Variants in SGCZ observed in about 807,000 individuals in gnomAD.
The protein encoded by SGCZ is zeta-sarcoglycan.
In SGCZ, 40 loss-of-function variants were observed where a neutral mutation model predicts 41.3. That is an observed-to-expected ratio of 0.97 (90% confidence interval 0.75 to 1.26). SGCZ has a LOEUF of 1.26. Ranked by LOEUF, SGCZ falls within the 50% of genes most tolerant of loss-of-function variation. SGCZ has a pLI of 0.00. For synonymous variants in SGCZ, 206 were observed against 137.5 expected, an observed-to-expected ratio of 1.50 and a Z score of -3.49; for missense variants, 552 against 369.8, an observed-to-expected ratio of 1.49 and a Z score of -4.04.
At chr8:14,593,433 A>G (rs1805303725) in intron 1 of SGCZ, among the ~76,000 whole-genome samples, 1 of 152,154 alleles carries the variant, frequency 6.6e-6, no homozygotes, top group Non-Finnish European at 1.5e-5. Context: ...CAGAACGGTA[A>G]CAGAATAGAT....
At chr8:14,991,596 C>T (rs532765503) in intron 1 of SGCZ, among the ~76,000 whole-genome samples, 17 of 152,104 alleles carry the variant, frequency 1.1e-4, no homozygotes, top group South Asian at 4.1e-4. Context: ...AGCAAACTCA[C>T]AAGTTTCTAC....
At position 14,786,416 on chromosome 8, in the gene SGCZ, ATT is replaced by A. The variant is rs1385362950; in HGVS notation, c.40-231492_40-231491del. Among the ~76,000 whole-genome samples the A allele has an allele frequency of 1.1e-4, 17 of 152,268 alleles. No homozygotes were observed. The East Asian group carries it at 3.3e-3, about 29-fold the overall frequency. On this transcript the variant is annotated intron_variant, in intron 1 of 7. Coordinates refer to ENST00000382080, the MANE Select transcript of SGCZ (RefSeq NM_139167.4). ...AAAGATTTATTTATGAAATGAAAGG[ATT>A]ATGAAATTTCCATGAAACTTGGAAA...
intron 1 of SGCZ, among the ~76,000 whole-genome samples, chr8:14,847,686 GGAGGAGGGGAGGA>G (rs1803180143): frequency 7.5e-6 from 1 of 134,118 alleles, no homozygotes. Context: ...ATGGAGGGAG[GGAGGAGGGGAGGA>G]GAGGAGGGAG....
intron 2 of SGCZ, among the ~76,000 whole-genome samples, chr8:14,545,894 G>A (rs1563400394): frequency 6.6e-6 from 1 of 152,034 alleles, no homozygotes; most frequent in African/African-American, 2.4e-5. Context: ...ATGATTTTGT[G>A]ATTTATCTTA....
chr8:15,193,126 G>A (rs532359306), intron 1 of SGCZ, among the ~76,000 whole-genome samples: 13 of 152,076 alleles, frequency 8.5e-5, no homozygotes, highest in African/African-American at 2.2e-4. Context: ...ACACATGACC[G>A]GAAAGGCTAA....
chr8:14,959,192 AG>A lies in SGCZ; in HGVS notation c.39+278392del, dbSNP rs1485033063. On this transcript the variant is annotated intron_variant, in intron 1 of 7. Transcript: ENST00000382080. Reference sequence around the variant, plus strand: ...ACGTTTCAGAGGTCTGACAGATATCAGAAGTTATTCACATGAAGCTCTATGA... The same window carrying A: ...ACGTTTCAGAGGTCTGACAGATATCAAAGTTATTCACATGAAGCTCTATGA... Among the ~76,000 whole-genome samples the A allele has an allele frequency of 3.2e-4, 49 of 152,278 alleles. 1 individual carries two copies. Among genetic ancestry groups the A allele is most frequent in the African/African-American group, 1.1e-3 (47 of 41,582 alleles).
At chr8:15,219,541 C>T (rs929375022) in intron 1 of SGCZ, among the ~76,000 whole-genome samples, 2 of 152,118 alleles carry the variant, frequency 1.3e-5, no homozygotes, top group African/African-American at 4.8e-5. Flanking sequence ...AATTTCATCC[C>T]AGACTATGAT....
chr8:14,453,163 C>T (rs925862171), intron 2 of SGCZ, among the ~76,000 whole-genome samples: 1 of 151,966 alleles, frequency 6.6e-6, no homozygotes, highest in African/African-American at 2.4e-5. Context: ...TTATATACAT[C>T]CTGGACATGT....
chr8:14,680,548 A>G (rs375900969), intron 1 of SGCZ, among the ~76,000 whole-genome samples: 10 of 150,058 alleles, frequency 6.7e-5, no homozygotes, highest in African/African-American at 2.2e-4. Flanking sequence ...ACTCATATAA[A>G]CGGAGCAAGA....
At chr8:14,108,018 C>G (rs909667197) in intron 6 of SGCZ, 145 bp downstream of exon 6, 1 of 688,274 alleles carries the variant, frequency 1.5e-6, no homozygotes, top group African/African-American at 1.8e-5. Flanking sequence ...TTTCCACATT[C>G]TTCCTATCTA....
intron 4 of SGCZ, among the ~76,000 whole-genome samples, chr8:14,217,295 C>CAAAAAA (rs34197711): frequency 3.6e-5 from 2 of 55,950 alleles, no homozygotes; most frequent in Admixed American, 2.7e-4. Context: ...GACTCCATCT[C>CAAAAAA]AAAAAAAAAA....
chr8:14,958,934 T>G (rs930587632), intron 1 of SGCZ, among the ~76,000 whole-genome samples: 3 of 152,116 alleles, frequency 2.0e-5, no homozygotes, highest in African/African-American at 7.2e-5. Flanking sequence ...AGACAGATTC[T>G]CTAAAACTCT....
chr8:15,186,338 A>C (rs1800344692), intron 1 of SGCZ, among the ~76,000 whole-genome samples: 1 of 151,208 alleles, frequency 6.6e-6, no homozygotes, highest in Non-Finnish European at 1.5e-5. Context: ...AAAGAGAAAT[A>C]GTCTCCAAAT....
chr8:14,406,716 C>T (rs1000403110), intron 2 of SGCZ, among the ~76,000 whole-genome samples: 84 of 127,814 alleles, frequency 6.6e-4, no homozygotes, highest in African/African-American at 2.9e-3. Flanking sequence ...CTGCCCCTTT[C>T]TACGCAACAA....
rs566975207 is a variant in SGCZ at position 14,445,081 on chromosome 8, C to G, written c.234+109651G>C. Among the ~76,000 whole-genome samples the G allele has an allele frequency of 6.4e-4, 97 of 152,284 alleles. 1 individual carries two copies. Among genetic ancestry groups the G allele is most frequent in the African/African-American group, 2.3e-3 (95 of 41,562 alleles). On this transcript the variant is annotated intron_variant, in intron 2 of 7. Transcript: ENST00000382080. Reference sequence around the variant, plus strand: ...ATTAAGCTTGACTTCAAGACAGTTGCTCAGTGGTGATGCTTTCAGAGAAAT... The same window carrying G: ...ATTAAGCTTGACTTCAAGACAGTTGGTCAGTGGTGATGCTTTCAGAGAAAT...
chr8:14,386,817 A>C (rs1340392583), intron 2 of SGCZ, among the ~76,000 whole-genome samples: 2 of 152,334 alleles, frequency 1.3e-5, no homozygotes, highest in African/African-American at 4.8e-5. Flanking sequence ...GAAAAATTCA[A>C]GTTGTGTGTA....
At chr8:14,524,094 A>G (rs529498605) in intron 2 of SGCZ, among the ~76,000 whole-genome samples, 1 of 152,138 alleles carries the variant, frequency 6.6e-6, no homozygotes, top group African/African-American at 2.4e-5. Flanking sequence ...GTATCTAGTG[A>G]TTATTTTACA....
chr8:14,821,104 C>G (rs528521242), intron 1 of SGCZ, among the ~76,000 whole-genome samples: 4 of 151,630 alleles, frequency 2.6e-5, no homozygotes, highest in South Asian at 2.1e-4. Flanking sequence ...AAAGAAAACT[C>G]AAATAAAATC....
intron 1 of SGCZ, among the ~76,000 whole-genome samples, chr8:14,978,758 T>C (rs1801570525): frequency 6.6e-6 from 1 of 151,868 alleles, no homozygotes; most frequent in South Asian, 2.1e-4. Flanking sequence ...AGAAGACCGA[T>C]AAATTGATGA....
Sources: gnomAD v4.1 joint callset for allele counts (sites outside exome capture counted in the v4.1 genomes callset) on GRCh38, gnomAD v4.1.1 for gene constraint, MANE v1.5 for transcripts, NCBI Gene and HGNC (gene_info 2026-07-23, HGNC 2026-07-21) for gene names.